The following SLC36A4 variants were observed in gnomAD, a reference collection of about 807,000 sequenced individuals.
SLC36A4 encodes solute carrier family 36 member 4.
SLC36A4 carries 49 observed loss-of-function variants against 50.5 expected under a neutral mutation model. The ratio of observed to expected loss-of-function variants is 0.97; its 90% CI spans 0.77 to 1.23. The LOEUF (loss-of-function observed/expected upper bound fraction) is 1.23. Among genes scored for constraint, SLC36A4 ranks in the 50% most tolerant of loss-of-function variants. The pLI is 0.00. For synonymous variants in SLC36A4, 207 were observed against 206.5 expected, an observed-to-expected ratio of 1.00 and a Z score of -0.02; for missense variants, 611 against 608.4, an observed-to-expected ratio of 1.00 and a Z score of -0.05.
chr11:93,173,314 T>C (rs1861274072), intron 6 of SLC36A4, among the ~76,000 whole-genome samples: 1 of 149,512 alleles, frequency 6.7e-6, no homozygotes. Context: ...TCTTGTAAAT[T>C]TGTTTGAGTT....
At position 93,148,497 on chromosome 11, in the gene SLC36A4, G is replaced by T. The variant is rs1859931114; in HGVS notation, c.*40C>A. On this transcript the variant is annotated 3_prime_UTR_variant, in exon 11 of 11. Coordinates refer to ENST00000326402, the MANE Select transcript of SLC36A4 (RefSeq NM_152313.4). ...TTACTAGTTATCTTGATAATTTTCA[G>T]AAATGGGACAAAAATAGAAGACTCA... is the stretch of plus-strand genomic sequence containing the variant. The T allele has an allele frequency of 1.9e-6, 3 of 1,549,222 alleles. No homozygotes were observed. The South Asian group carries it at 3.6e-5, about 19-fold the overall frequency.
chr11:93,151,736 A>G (rs1860095143), intron 10 of SLC36A4, among the ~76,000 whole-genome samples: 1 of 152,138 alleles, frequency 6.6e-6, no homozygotes, highest in Non-Finnish European at 1.5e-5. Context: ...AATTACAAAC[A>G]GTAGAAGGAT....
Position 93,183,327 on chromosome 11 carries a change from G to C in SLC36A4, c.271-433C>G, listed in dbSNP as rs751524087. Among the ~76,000 whole-genome samples, 18 of 152,222 alleles carry C rather than the reference G, an allele frequency of 1.2e-4. 1 individual carries two copies. The highest frequency in any genetic ancestry group is 6.8e-3 in the Middle Eastern group (2 of 294). ...ACTGCTTCTTGGGTACTTACTATGT[G>C]TCAGAAACCATGCTTATAAAATAAT... On this transcript the variant is annotated intron_variant, in intron 3 of 10. Coordinates refer to ENST00000326402, the MANE Select transcript of SLC36A4 (RefSeq NM_152313.4).
chr11:93,193,974 A>C (rs1333393034), intron 1 of SLC36A4, among the ~76,000 whole-genome samples: 1 of 152,200 alleles, frequency 6.6e-6, no homozygotes, highest in Non-Finnish European at 1.5e-5. Context: ...ACTAAGGCAC[A>C]GTTACTTTAT....
chr11:93,190,691 G>A (rs1181726138), intron 1 of SLC36A4, among the ~76,000 whole-genome samples: 1 of 152,162 alleles, frequency 6.6e-6, no homozygotes. Flanking sequence ...AAAGAACCAT[G>A]CAATGTGACG....
chr11:93,194,513 C>G (rs1228960685), intron 1 of SLC36A4, among the ~76,000 whole-genome samples: 1 of 152,120 alleles, frequency 6.6e-6, no homozygotes, highest in African/African-American at 2.4e-5. Flanking sequence ...TATTTACATA[C>G]CTTACGAGAA....
intron 1 of SLC36A4, among the ~76,000 whole-genome samples, chr11:93,187,260 T>C (rs763547890): frequency 1.3e-5 from 2 of 152,226 alleles, no homozygotes; most frequent in Non-Finnish European, 2.9e-5. Flanking sequence ...AGATATTTTC[T>C]TTGTCTTTAA....
chr11:93,166,027 GAAGAAAA>G lies in SLC36A4; in HGVS notation c.769-18_769-12del. The G allele has an allele frequency of 5.7e-6, 9 of 1,571,004 alleles. No individual in the cohort carries two copies. Among genetic ancestry groups the G allele is most frequent in the Non-Finnish European group, 7.8e-6 (9 of 1,157,692 alleles). ...GGGATCTGGCATGTTCTAAAGAAAG[GAAGAAAA>G]AAAGAAGACCAGTTACATCTTTACT... On this transcript the variant is annotated splice_polypyrimidine_tract_variant and intron_variant, in intron 7 of 10. Coordinates refer to ENST00000326402, the MANE Select transcript of SLC36A4 (RefSeq NM_152313.4).
chr11:93,154,776 A>T (rs1190364749), intron 9 of SLC36A4: 2 of 152,174 alleles, frequency 1.3e-5, no homozygotes, highest in Non-Finnish European at 2.9e-5. Context: ...AAAAGCAGAC[A>T]TCTAAACGGT....
At chr11:93,180,287 C>T (rs1170818166) in intron 6 of SLC36A4, 2 of 985,144 alleles carry the variant, frequency 2.0e-6, no homozygotes, top group Non-Finnish European at 2.4e-6. Flanking sequence ...CTGCAAACCA[C>T]TTCTTCTTAA....
At chr11:93,175,405 G>A (rs1410779716) in intron 6 of SLC36A4, among the ~76,000 whole-genome samples, 1 of 150,008 alleles carries the variant, frequency 6.7e-6, no homozygotes. Flanking sequence ...CCAGCTCCTG[G>A]ATTCATTGAT....
At chr11:93,151,323 C>G (rs1590927401) in intron 10 of SLC36A4, among the ~76,000 whole-genome samples, 1 of 151,660 alleles carries the variant, frequency 6.6e-6, no homozygotes, top group Non-Finnish European at 1.5e-5. Flanking sequence ...CAGTATTTAC[C>G]AAAACTATAT....
Position 93,197,369 on chromosome 11 carries a change from G to A in SLC36A4, c.55+409C>T, listed in dbSNP as rs376787200. The A allele has an allele frequency of 3.1e-4, 65 of 208,106 alleles. No homozygotes were observed. The South Asian group carries it at 5.4e-3, about 17-fold the overall frequency. 12.9% of individuals were successfully genotyped at this position (208,106 alleles called of 1,614,324 possible). A position where few individuals can be genotyped will look rare whatever the true frequency, so the allele number is the denominator to read the frequency against. ...ACTCTGGGATAACAAGGAGTAAAAT[G>A]AGGATTCATCTGGAGATTCCGAATG... On this transcript the variant is annotated intron_variant, in intron 1 of 10. Coordinates refer to ENST00000326402, the MANE Select transcript of SLC36A4 (RefSeq NM_152313.4).
chr11:93,178,036 C>G (rs921011004), intron 6 of SLC36A4, among the ~76,000 whole-genome samples: 3 of 152,316 alleles, frequency 2.0e-5, no homozygotes, highest in East Asian at 1.9e-4. Context: ...TCGAGCTTCC[C>G]GGCCACTTTG....
In SLC36A4 at chr11:93,185,677, A is replaced by G. The variant is rs1237951681; in HGVS notation, c.179+14T>C. ...AATTAAAAGAAAAGGAGACTTATAA[A>G]CCATAACACTTACGAAATGCCCTCT... On this transcript the variant is annotated intron_variant, in intron 2 of 10. Transcript: ENST00000326402. The G allele has an allele frequency of 6.4e-7, 1 of 1,561,548 alleles. No individual in the cohort carries two copies. The highest frequency in any genetic ancestry group is 8.6e-7 in the Non-Finnish European group (1 of 1,161,608).
In SLC36A4 at chr11:93,148,489, A is replaced by C. The variant is rs1285481359; in HGVS notation, c.*48T>G. The C allele has an allele frequency of 6.6e-7, 1 of 1,511,706 alleles. No individual in the cohort carries two copies. The highest frequency in any genetic ancestry group is 1.4e-5 in the African/African-American group (1 of 71,022). The allele number at this position is 1,511,706 out of a possible 1,614,324, so 93.6% of individuals were successfully genotyped here. On this transcript the variant is annotated 3_prime_UTR_variant, in exon 11 of 11. Coordinates refer to ENST00000326402, the MANE Select transcript of SLC36A4 (RefSeq NM_152313.4). ...AATGTATTTTACTAGTTATCTTGAT[A>C]ATTTTCAGAAATGGGACAAAAATAG...
At chr11:93,162,551 C>T (rs745597245) in intron 9 of SLC36A4, among the ~76,000 whole-genome samples, 155 bp downstream of exon 9, 23 of 152,126 alleles carry the variant, frequency 1.5e-4, no homozygotes, top group South Asian at 8.3e-4. Context: ...TCAGGTGATC[C>T]GCCCACCTCT....
At chr11:93,193,902 T>C (rs1409442015) in intron 1 of SLC36A4, among the ~76,000 whole-genome samples, 1 of 152,162 alleles carries the variant, frequency 6.6e-6, no homozygotes, top group Non-Finnish European at 1.5e-5. Context: ...CATTAAAACA[T>C]TACTGACGTT....
chr11:93,159,798 C>A lies in SLC36A4; in HGVS notation c.1037+2908G>T, dbSNP rs945237041. 35 of 984,688 alleles carry A rather than the reference C, an allele frequency of 3.6e-5. No individual in the cohort carries two copies. The Middle Eastern group carries it at 1.6e-3, about 44-fold the overall frequency. 61.0% of individuals were successfully genotyped at this position (984,688 alleles called of 1,614,324 possible). On this transcript the variant is annotated intron_variant, in intron 9 of 10. Transcript: ENST00000326402. ...AATAATAACTTGGAGCTTCTCTAAT[C>A]CATACTTGCTTTATCCTATGGCCTC...
Sources: gnomAD v4.1 joint callset for allele counts (sites outside exome capture counted in the v4.1 genomes callset) on GRCh38, gnomAD v4.1.1 for gene constraint, MANE v1.5 for transcripts, NCBI Gene and HGNC (gene_info 2026-07-23, HGNC 2026-07-21) for gene names.